ZNF678: variants seen among roughly 807,000 people sequenced by gnomAD.
The protein encoded by ZNF678 is hypothetical protein MGC42493.
A neutral mutation model predicts 3.0 loss-of-function variants in ZNF678; 5 were observed. The observed-to-expected ratio is 1.69, with a 90% confidence interval of 0.88 to 3.56. The LOEUF (loss-of-function observed/expected upper bound fraction) is 3.56, where lower values mean the gene tolerates loss of function less well. Ranked by LOEUF, ZNF678 falls within the 30% of genes most tolerant of loss-of-function variation. The probability of loss-of-function intolerance (pLI) is 0.00; values close to 1 mark genes in which losing one functional copy is unlikely to be tolerated. For missense variants in ZNF678, 593 were observed against 605.0 expected (o/e 0.98, Z 0.21); for synonymous variants, 218 against 199.6 (o/e 1.09, Z -0.78).
intron 5 of ZNF678, among the ~76,000 whole-genome samples, chr1:227,667,772 A>G (rs1030703298): frequency 2.6e-5 from 4 of 152,226 alleles, no homozygotes; most frequent in South Asian, 2.1e-4. Context: ...GGAAATAAAT[A>G]TACCCCGAAC....
chr1:227,652,990 T>C (rs1266544175), intron 3 of ZNF678, among the ~76,000 whole-genome samples: 2 of 152,122 alleles, frequency 1.3e-5, no homozygotes, highest in Admixed American at 6.6e-5. Context: ...TTGGAAAATC[T>C]TCATCTTCTC....
At chr1:227,571,328 G>C (rs1193375958) in intron 1 of ZNF678, among the ~76,000 whole-genome samples, 1 of 152,176 alleles carries the variant, frequency 6.6e-6, no homozygotes, top group Non-Finnish European at 1.5e-5. Flanking sequence ...CTTTTCTAGT[G>C]TTGTATCCAT....
At position 227,656,679 on chromosome 1, in the gene ZNF678, T is replaced by A. The variant is rs1659257802; in HGVS notation, c.*851T>A. 1 of 151,924 alleles carries A rather than the reference T, an allele frequency of 6.6e-6. No homozygotes were observed. Among genetic ancestry groups the A allele is most frequent in the Non-Finnish European group, 1.5e-5 (1 of 67,888 alleles). 9.4% of individuals were successfully genotyped at this position (151,924 alleles called of 1,614,324 possible). A position where few individuals can be genotyped will look rare whatever the true frequency, so the allele number is the denominator to read the frequency against. On this transcript the variant is annotated 3_prime_UTR_variant, in exon 4 of 4. Transcript: ENST00000343776. ...AGTGTTTTAAGTAACACATTAGGTA[T>A]TCAGAGAAGTATTTTGCATTATAGT...
At chr1:227,622,678 A>G (rs1014174130) in intron 1 of ZNF678, among the ~76,000 whole-genome samples, 2 of 152,156 alleles carry the variant, frequency 1.3e-5, no homozygotes, top group Admixed American at 6.6e-5. Context: ...TGTGCCATAT[A>G]ATGTACTATT....
Position 227,576,873 on chromosome 1 carries a change from G to A in ZNF678, c.-164+13149G>A, listed in dbSNP as rs115368722. On this transcript the variant is annotated intron_variant, in intron 1 of 3. Transcript: ENST00000343776. ...TAACTTTTTGATGTTGGCATTTAGT[G>A]TTATAATTTTCCATCTTAGCACTGC... is the stretch of plus-strand genomic sequence containing the variant. 6.3e-3 allele frequency among the ~76,000 whole-genome samples: 956 copies of A among 152,230 alleles called. 10 individuals are homozygous for A. The highest frequency in any genetic ancestry group is 0.022 in the African/African-American group (908 of 41,536).
intron 1 of ZNF678, among the ~76,000 whole-genome samples, chr1:227,597,136 T>A (rs772304627): frequency 6.6e-6 from 1 of 152,240 alleles, no homozygotes; most frequent in Admixed American, 6.5e-5. Flanking sequence ...CTATAGATTA[T>A]AGATTAACTA....
chr1:227,666,891 T>A (rs1366035158), downstream of ZNF678, among the ~76,000 whole-genome samples: 4 of 151,092 alleles, frequency 2.6e-5, no homozygotes, highest in African/African-American at 9.7e-5. Flanking sequence ...ATTACGGGCA[T>A]GCGCCACCAC....
chr1:227,585,265 G>A (rs1657228772), intron 1 of ZNF678, among the ~76,000 whole-genome samples: 1 of 152,166 alleles, frequency 6.6e-6, no homozygotes, highest in South Asian at 2.1e-4. Context: ...GGTCAGTGGA[G>A]CAAAACTATT....
At chr1:227,669,898 C>G in intron 5 of ZNF678, among the ~76,000 whole-genome samples, 1 of 152,082 alleles carries the variant, frequency 6.6e-6, no homozygotes, top group East Asian at 1.9e-4. Flanking sequence ...GACACATGCA[C>G]TCATATACTC....
intron 1 of ZNF678, among the ~76,000 whole-genome samples, chr1:227,639,780 A>G (rs762593590): frequency 1.2e-4 from 18 of 152,274 alleles, no homozygotes; most frequent in Non-Finnish European, 1.8e-4. Context: ...TGCCTGAGCT[A>G]GGGTGCAGAT....
At chr1:227,588,912 T>C (rs764622510) in intron 1 of ZNF678, among the ~76,000 whole-genome samples, 4 of 145,510 alleles carry the variant, frequency 2.7e-5, no homozygotes, top group South Asian at 4.3e-4. Flanking sequence ...TTTTTTTTTT[T>C]CATATGTTTA....
chr1:227,619,258 C>T (rs1244742408), intron 1 of ZNF678, among the ~76,000 whole-genome samples: 1 of 152,144 alleles, frequency 6.6e-6, no homozygotes, highest in Non-Finnish European at 1.5e-5. Flanking sequence ...AAGTTGTACC[C>T]ATTTTAATAA....
At chr1:227,591,910 C>G (rs557742302) in intron 1 of ZNF678, among the ~76,000 whole-genome samples, 2 of 152,256 alleles carry the variant, frequency 1.3e-5, no homozygotes, top group Non-Finnish European at 2.9e-5. Flanking sequence ...GAAAATGAGT[C>G]CCGCGATGAG....
chr1:227,645,733 G>C (rs1658939921), intron 1 of ZNF678, among the ~76,000 whole-genome samples: 1 of 152,166 alleles, frequency 6.6e-6, no homozygotes, highest in Admixed American at 6.5e-5. Flanking sequence ...TTGCCTTCTT[G>C]ACCTATGCTA....
chr1:227,580,674 A>C (rs1657106880), intron 1 of ZNF678, among the ~76,000 whole-genome samples: 1 of 152,150 alleles, frequency 6.6e-6, no homozygotes, highest in South Asian at 2.1e-4. Context: ...TAATGCCTGT[A>C]ATCTCAGCAC....
rs752419331 is a variant in ZNF678, at chr1:227,655,014, A to C, written c.764A>C (p.His255Pro). Reference protein sequence around the residue: ...AFNKFSNLTQHKRIHTGEKPY... With the variant: ...AFNKFSNLTQPKRIHTGEKPY... ...AACAAGTTCTCAAACCTTACTCAACATAAGAGAATTCATACTGGAGAGAAA... is the reference window on the plus strand; with the variant it reads ...AACAAGTTCTCAAACCTTACTCAACCTAAGAGAATTCATACTGGAGAGAAA... Residue 255 changes from histidine (H) to proline (P), a missense_variant, in exon 4 of 4, where the codon CAT becomes CCT. His to Pro is a moderately conservative substitution (Grantham distance 77). Coordinates refer to ENST00000343776, the MANE Select transcript of ZNF678 (RefSeq NM_001367909.1). The C allele has an allele frequency of 6.2e-6, 10 of 1,612,380 alleles. No homozygotes were observed. The highest frequency in any genetic ancestry group is 8.5e-6 in the Non-Finnish European group (10 of 1,179,452).
chr1:227,617,333 C>A (rs1173576728), intron 1 of ZNF678, among the ~76,000 whole-genome samples: 1 of 152,170 alleles, frequency 6.6e-6, no homozygotes, highest in African/African-American at 2.4e-5. Context: ...TGCTGAAAAA[C>A]AACAAAGTTA....
chr1:227,564,235 G>T (rs976905988), intron 1 of ZNF678, among the ~76,000 whole-genome samples: 1 of 152,160 alleles, frequency 6.6e-6, no homozygotes, highest in African/African-American at 2.4e-5. Context: ...AATAATTGAC[G>T]ACAGTTACAG....
At chr1:227,621,518 A>C (rs1658279810) in intron 1 of ZNF678, among the ~76,000 whole-genome samples, 1 of 152,142 alleles carries the variant, frequency 6.6e-6, no homozygotes, top group African/African-American at 2.4e-5. Flanking sequence ...CTGTGTCTGG[A>C]AGCACATCTC....
Sources: allele counts gnomAD v4.1 joint callset (sites outside exome capture counted in the v4.1 genomes callset), GRCh38; gene constraint gnomAD v4.1.1; transcripts MANE v1.5; gene names NCBI Gene and HGNC (gene_info 2026-07-23, HGNC 2026-07-21).